BRINP2: variants seen among roughly 807,000 people sequenced by gnomAD.
BRINP2 encodes the protein BMP/retinoic acid-inducible neural-specific protein 2.
Under a neutral mutation model 69.2 loss-of-function variants are expected in BRINP2, and 21 were observed. The observed-to-expected ratio is 0.30, with a 90% confidence interval of 0.22 to 0.44. The LOEUF (loss-of-function observed/expected upper bound fraction) is 0.44. Among genes scored for constraint, BRINP2 ranks in the 20% least tolerant of loss-of-function variants. The pLI is 1.00. For missense variants in BRINP2, 877 were observed against 986.0 expected (o/e 0.89, Z 1.48); for synonymous variants, 380 against 394.1 (o/e 0.96, Z 0.42).
intron 1 of BRINP2, among the ~76,000 whole-genome samples, chr1:177,172,746 T>G (rs141952266): frequency 2.1e-3 from 313 of 152,348 alleles, no homozygotes; most frequent in Non-Finnish European, 3.6e-3. Flanking sequence ...ATTGTGTGTG[T>G]GCTCTTTGCA....
intron 1 of BRINP2, among the ~76,000 whole-genome samples, chr1:177,172,804 G>A (rs1647975622): frequency 6.6e-6 from 1 of 152,142 alleles, no homozygotes; most frequent in Non-Finnish European, 1.5e-5. Context: ...TTTGTTAAAA[G>A]GATAACAATT....
intron 1 of BRINP2, among the ~76,000 whole-genome samples, chr1:177,186,918 T>C (rs918458578): frequency 6.6e-6 from 1 of 152,308 alleles, no homozygotes; most frequent in Middle Eastern, 3.4e-3. Context: ...ATGCGCCTTT[T>C]AATGGCAATT....
In BRINP2 at chr1:177,227,908, A is replaced by G. The variant is rs141954001; in HGVS notation, c.-76-1893A>G. On this transcript the variant is annotated intron_variant, in intron 1 of 7. Transcript: ENST00000361539. ...TATTGGAATTTTATCATGTTTGAAGATCTGGTAGGGCAGGAGCTGCCTCAT... is the reference window on the plus strand; with the variant it reads ...TATTGGAATTTTATCATGTTTGAAGGTCTGGTAGGGCAGGAGCTGCCTCAT... 2.9e-3 allele frequency among the ~76,000 whole-genome samples: 447 copies of G among 152,196 alleles called. 1 individual carries two copies. Among genetic ancestry groups the G allele is most frequent in the African/African-American group, 0.01 (429 of 41,530 alleles).
At chr1:177,236,862 GTC>G (rs1233707306) in intron 2 of BRINP2, among the ~76,000 whole-genome samples, 1 of 150,512 alleles carries the variant, frequency 6.6e-6, no homozygotes, top group East Asian at 2.0e-4. Context: ...GCCATACTTT[GTC>G]TCTCTGAAAT....
chr1:177,202,850 C>G (rs1252761294), intron 1 of BRINP2, among the ~76,000 whole-genome samples: 8 of 152,050 alleles, frequency 5.3e-5, no homozygotes, highest in East Asian at 1.9e-4. Context: ...AGGATGTGGA[C>G]AAATAGGAAC....
At position 177,209,169 on chromosome 1, in the gene BRINP2, G is replaced by A. The variant is rs540674663; in HGVS notation, c.-76-20632G>A. On this transcript the variant is annotated intron_variant, in intron 1 of 7. Coordinates refer to ENST00000361539, the MANE Select transcript of BRINP2 (RefSeq NM_021165.4). ...GCAAGGACAATCTGCATCACAGTAT[G>A]TGGTGGCCCTGTAGGGGAAGCAAGG... 2.6e-5 allele frequency among the ~76,000 whole-genome samples: 4 copies of A among 152,050 alleles called. No homozygotes were observed. The South Asian group carries it at 8.3e-4, about 32-fold the overall frequency.
intron 1 of BRINP2, among the ~76,000 whole-genome samples, chr1:177,173,387 A>G (rs1439144529): frequency 6.6e-6 from 1 of 152,254 alleles, no homozygotes; most frequent in African/African-American, 2.4e-5. Flanking sequence ...TCTGGAGGTC[A>G]GCTGGCGCCA....
At chr1:177,252,557 T>C (rs1650615902) in intron 2 of BRINP2, among the ~76,000 whole-genome samples, 5 of 152,172 alleles carry the variant, frequency 3.3e-5, no homozygotes, top group Admixed American at 3.3e-4. Flanking sequence ...ACCTCAAACA[T>C]CTATCATTTC....
chr1:177,230,875 C>T (rs1026593853), intron 2 of BRINP2, among the ~76,000 whole-genome samples: 1 of 152,212 alleles, frequency 6.6e-6, no homozygotes. Context: ...CTCTTTGATC[C>T]CTCTGTCCAC....
chr1:177,177,364 C>T (rs1048452657), intron 1 of BRINP2, among the ~76,000 whole-genome samples: 4 of 152,046 alleles, frequency 2.6e-5, no homozygotes, highest in African/African-American at 9.7e-5. Flanking sequence ...GGAGAAGACA[C>T]AATAATTGAA....
At chr1:177,185,774 A>C (rs1051274255) in intron 1 of BRINP2, among the ~76,000 whole-genome samples, 1 of 152,160 alleles carries the variant, frequency 6.6e-6, no homozygotes, top group Non-Finnish European at 1.5e-5. Flanking sequence ...ATTTGAACCC[A>C]AGCAGTGTGC....
intron 4 of BRINP2, among the ~76,000 whole-genome samples, chr1:177,268,166 TG>T (rs1410026116): frequency 6.6e-6 from 1 of 152,202 alleles, no homozygotes; most frequent in Admixed American, 6.5e-5. Flanking sequence ...GCTCACTTTA[TG>T]GGATTGACAT....
In BRINP2 at chr1:177,281,691, A is replaced by G. The variant is rs1234086818; in HGVS notation, c.*163A>G. 2.5e-5 allele frequency: 22 copies of G among 895,890 alleles called. No individual in the cohort carries two copies. Among genetic ancestry groups the G allele is most frequent in the Admixed American group, 1.4e-4 (5 of 36,116 alleles). 55.5% of individuals were successfully genotyped at this position (895,890 alleles called of 1,614,324 possible). A position where few individuals can be genotyped will look rare whatever the true frequency, so the allele number is the denominator to read the frequency against. ...TCGAGCTGAAGCAGGCGAGAGAGAA[A>G]CAGCTACTGCGTGCGTGCGCGCACG... On this transcript the variant is annotated 3_prime_UTR_variant, in exon 8 of 8. Transcript: ENST00000361539.
intron 1 of BRINP2, among the ~76,000 whole-genome samples, chr1:177,227,701 T>TA (rs1203103327): frequency 6.6e-6 from 1 of 152,180 alleles, no homozygotes; most frequent in Admixed American, 6.5e-5. Flanking sequence ...TTTAACTTTT[T>TA]ATTCCAACTG....
intron 4 of BRINP2, among the ~76,000 whole-genome samples, chr1:177,268,371 C>T (rs372823661): frequency 6.6e-6 from 1 of 152,282 alleles, no homozygotes; most frequent in African/African-American, 2.4e-5. Flanking sequence ...AGCTGGCTTC[C>T]AGCACATTCA....
At chr1:177,230,189 C>G in intron 2 of BRINP2, 44 bp downstream of exon 2, 1 of 1,546,834 alleles carries the variant, frequency 6.5e-7, no homozygotes, top group South Asian at 1.3e-5. Context: ...CCTAAGAACC[C>G]AACCTGCACA....
intron 1 of BRINP2, among the ~76,000 whole-genome samples, chr1:177,181,289 ATT>A (rs139394382): frequency 6.6e-6 from 1 of 151,950 alleles, no homozygotes; most frequent in Admixed American, 6.5e-5. Context: ...CTCAGTTGTG[ATT>A]TTTTTTCTTC....
chr1:177,240,180 G>A (rs144384605), intron 2 of BRINP2, among the ~76,000 whole-genome samples: 48 of 152,340 alleles, frequency 3.2e-4, no homozygotes, highest in African/African-American at 1.1e-3. Context: ...GGTGACGAAG[G>A]AGGGATAGGA....
intron 1 of BRINP2, among the ~76,000 whole-genome samples, chr1:177,183,499 C>T (rs1037549691): frequency 5.9e-5 from 9 of 152,060 alleles, no homozygotes; most frequent in African/African-American, 1.9e-4. Context: ...ATCTGCCCCA[C>T]GTAGGAGAGG....
Sources: allele counts gnomAD v4.1 joint callset (sites outside exome capture counted in the v4.1 genomes callset), GRCh38; gene constraint gnomAD v4.1.1; transcripts MANE v1.5; gene names NCBI Gene and HGNC (gene_info 2026-07-23, HGNC 2026-07-21).